MAVS: variants seen among roughly 807,000 people sequenced by gnomAD.
The protein encoded by MAVS is mitochondrial antiviral signaling protein, also known as mitochondrial antiviral-signaling protein.
In MAVS, 20 loss-of-function variants were observed where a neutral mutation model predicts 30.2. The ratio of observed to expected loss-of-function variants is 0.66; its 90% CI spans 0.47 to 0.96. The LOEUF (loss-of-function observed/expected upper bound fraction) is 0.96, where lower values mean the gene tolerates loss of function less well. Ranked by LOEUF, MAVS falls within the 40% of genes least tolerant of loss-of-function variation. The pLI is 0.00. For missense variants in MAVS, 624 were observed against 701.1 expected, an observed-to-expected ratio of 0.89 and a Z score of 1.24; for synonymous variants, 278 against 293.9, an observed-to-expected ratio of 0.95 and a Z score of 0.55.
At position 3,866,257 on chromosome 20, in the gene MAVS, G is replaced by A. The variant is rs2089908187; in HGVS notation, c.*110G>A. 4 of 1,048,624 alleles carry A rather than the reference G, an allele frequency of 3.8e-6. No individual in the cohort carries two copies. Among genetic ancestry groups the A allele is most frequent in the Non-Finnish European group, 5.4e-6 (4 of 744,476 alleles). 65.0% of individuals were successfully genotyped at this position (1,048,624 alleles called of 1,614,324 possible). A position where few individuals can be genotyped will look rare whatever the true frequency, so the allele number is the denominator to read the frequency against. ...TGGGGATTGTGGAGGCTGGGTCAGA[G>A]GGGAGTTAAGGGACTGCAGGCCTGG... On this transcript the variant is annotated 3_prime_UTR_variant, in exon 7 of 7. Coordinates refer to ENST00000428216, the MANE Select transcript of MAVS (RefSeq NM_020746.5).
chr20:3,850,396 G>A (rs1387011803), intron 1 of MAVS, among the ~76,000 whole-genome samples: 5 of 150,070 alleles, frequency 3.3e-5, no homozygotes, highest in Admixed American at 1.3e-4. Context: ...TCGGGAGTTC[G>A]AGACCGGAAC....
rs762438359 is a variant in MAVS at position 3,867,038 on chromosome 20, G to C, written c.*891G>C. 5 of 456,634 alleles carry C rather than the reference G, an allele frequency of 1.1e-5. No homozygotes were observed. The highest frequency in any genetic ancestry group is 6.0e-5 in the African/African-American group (3 of 50,078). 28.3% of individuals were successfully genotyped at this position (456,634 alleles called of 1,614,324 possible). A position where few individuals can be genotyped will look rare whatever the true frequency, so the allele number is the denominator to read the frequency against. On this transcript the variant is annotated 3_prime_UTR_variant, in exon 7 of 7. Coordinates refer to ENST00000428216, the MANE Select transcript of MAVS (RefSeq NM_020746.5). ...GGGTTCTTCTGAGATTGAACCTACA[G>C]GTGTTTGCCAAGTGCCTGGCCCAGA...
In MAVS at chr20:3,847,383, C is replaced by G. The variant is rs190971459; in HGVS notation, c.-68+480C>G. The stretch of plus-strand genomic sequence containing the variant: ...CGGACCTGGGTCGCGCCCAGGAATC[C>G]GATCCAAGGCTGTGAGGCCTGTCCC... On this transcript the variant is annotated intron_variant, in intron 1 of 6. Coordinates refer to ENST00000428216, the MANE Select transcript of MAVS (RefSeq NM_020746.5). 1.1e-4 allele frequency among the ~76,000 whole-genome samples: 17 copies of G among 152,294 alleles called. No homozygotes were observed. The East Asian group carries it at 1.7e-3, about 16-fold the overall frequency.
Position 3,875,434 on chromosome 20 carries a change from C to G in MAVS, c.*9287C>G, listed in dbSNP as rs2089983963. ...AGACTCAAAAAATAAAAATAAAAAC[C>G]CTGAATATCTTCCTTCTACTTCTTC... On this transcript the variant is annotated 3_prime_UTR_variant, in exon 7 of 7. Coordinates refer to ENST00000428216, the MANE Select transcript of MAVS (RefSeq NM_020746.5). The G allele has an allele frequency of 6.7e-6, 1 of 150,234 alleles. No individual in the cohort carries two copies. The highest frequency in any genetic ancestry group is 1.5e-5 in the Non-Finnish European group (1 of 67,824). The allele number at this position is 150,234 out of a possible 1,614,324, so 9.3% of individuals were successfully genotyped here. A position where few individuals can be genotyped will look rare whatever the true frequency, so the allele number is the denominator to read the frequency against.
chr20:3,853,227 C>T (rs1352964906), intron 1 of MAVS, among the ~76,000 whole-genome samples: 1 of 150,224 alleles, frequency 6.7e-6, no homozygotes, highest in Middle Eastern at 3.4e-3. Context: ...TGGCTCACGC[C>T]TGTAATCCCA....
chr20:3,853,485 CAAA>C (rs113226800), intron 1 of MAVS, among the ~76,000 whole-genome samples: 1 of 127,986 alleles, frequency 7.8e-6, no homozygotes. Context: ...GACTCCGTCT[CAAA>C]AAAAAAAAAA....
At chr20:3,863,524 T>A (rs188780191) in intron 5 of MAVS, among the ~76,000 whole-genome samples, 3 of 152,264 alleles carry the variant, frequency 2.0e-5, no homozygotes, top group Admixed American at 2.0e-4. Context: ...CGCTTAGGTT[T>A]CAGTACGTTT....
In MAVS at chr20:3,874,362, C is replaced by T. The variant is rs1600462591; in HGVS notation, c.*8215C>T. 1 of 397,412 alleles carries T rather than the reference C, an allele frequency of 2.5e-6. No individual in the cohort carries two copies. The highest frequency in any genetic ancestry group is 2.1e-5 in the African/African-American group (1 of 48,590). 24.6% of individuals were successfully genotyped at this position (397,412 alleles called of 1,614,324 possible). ...AGTATTGTCAGTTTGTTTCCAGACT[C>T]CCTGTTGGAGATGTGGAAATAAAAA... On this transcript the variant is annotated 3_prime_UTR_variant, in exon 7 of 7. Transcript: ENST00000428216.
Position 3,864,251 on chromosome 20 carries a change from G to A in MAVS, c.626-5G>A, listed in dbSNP as rs181282752. 1.1e-5 allele frequency: 17 copies of A among 1,595,578 alleles called. No homozygotes were observed. Among genetic ancestry groups the A allele is most frequent in the Admixed American group, 3.5e-5 (2 of 57,220 alleles). ...GTGTTTCCACTTGTGTTTTTCCACCGGCAGGTGCGACCTCCAGCCTCACAC... is the reference window on the plus strand; with the variant it reads ...GTGTTTCCACTTGTGTTTTTCCACCAGCAGGTGCGACCTCCAGCCTCACAC... On this transcript the variant is annotated splice_region_variant and splice_polypyrimidine_tract_variant and intron_variant, in intron 5 of 6. Coordinates refer to ENST00000428216, the MANE Select transcript of MAVS (RefSeq NM_020746.5).
rs543168137 is a variant in MAVS, at chr20:3,875,487, A to C, written c.*9340A>C. The C allele has an allele frequency of 1.6e-3, 247 of 151,838 alleles. 1 individual carries two copies. The highest frequency in any genetic ancestry group is 5.7e-3 in the African/African-American group (234 of 41,386). 9.4% of individuals were successfully genotyped at this position (151,838 alleles called of 1,614,324 possible). ...TGCTGTTTTTATTTAAAAAAAAAAA[A>C]AACCAGCCAAAACCACAACTTTTTA... On this transcript the variant is annotated 3_prime_UTR_variant, in exon 7 of 7. Coordinates refer to ENST00000428216, the MANE Select transcript of MAVS (RefSeq NM_020746.5).
At chr20:3,848,248 G>A (rs367766225) in intron 1 of MAVS, among the ~76,000 whole-genome samples, 5 of 152,058 alleles carry the variant, frequency 3.3e-5, no homozygotes, top group South Asian at 2.1e-4. Context: ...ACAGGTGTGT[G>A]CCACCATGCC....
chr20:3,858,659 C>T (rs2051039626), intron 3 of MAVS, among the ~76,000 whole-genome samples: 1 of 128,146 alleles, frequency 7.8e-6, no homozygotes, highest in South Asian at 2.5e-4. Context: ...AGTGGGATTC[C>T]ATCTCAAAAA....
chr20:3,867,502 G>T lies in MAVS; in HGVS notation c.*1355G>T. 1 of 169,566 alleles carries T rather than the reference G, an allele frequency of 5.9e-6. No homozygotes were observed. 10.5% of individuals were successfully genotyped at this position (169,566 alleles called of 1,614,324 possible). On this transcript the variant is annotated 3_prime_UTR_variant, in exon 7 of 7. Coordinates refer to ENST00000428216, the MANE Select transcript of MAVS (RefSeq NM_020746.5). The stretch of plus-strand genomic sequence containing the variant: ...TCTTAGCTACTTGGGAGGCTGAGGT[G>T]GGAGGATCACTTGAGCCCAGAAGCT...
At chr20:3,857,998 T>C in intron 3 of MAVS, 189 bp downstream of exon 3, 1 of 663,304 alleles carries the variant, frequency 1.5e-6, no homozygotes, top group Non-Finnish European at 2.7e-6. Flanking sequence ...CCAAGTCCCT[T>C]AATTTCCCTG....
At position 3,865,705 on chromosome 20, in the gene MAVS, C is replaced by T. The variant is rs1181267192; in HGVS notation, c.1181C>T (p.Pro394Leu). Residue 394 changes from proline (P) to leucine (L), a missense_variant, in exon 7 of 7, where the codon CCC becomes CTC. By Grantham distance (98) the Pro-to-Leu change is moderately conservative. Transcript: ENST00000428216. This position sits in a 1 kb window ranked among gnomAD's most constrained non-coding sequence, Gnocchi z 4.7. ...RNEETPAAPT[P>L]AGATGGSSAW... ...CAGGAGACCCCAGCAGCTCCAACAC[C>T]CGCCGGCGCCACTGGAGGCAGCTCA... 1 of 1,609,052 alleles carries T rather than the reference C, an allele frequency of 6.2e-7. No homozygotes were observed. Among genetic ancestry groups the T allele is most frequent in the Non-Finnish European group, 8.5e-7 (1 of 1,177,200 alleles).
rs1198543764 is a variant in MAVS, at chr20:3,872,858, A to C, written c.*6711A>C. ...GCACCTACATGTGCAGAGCACTGTG[A>C]TAGGCCTCAGTGACACAGAATAATA... On this transcript the variant is annotated 3_prime_UTR_variant, in exon 7 of 7. Transcript: ENST00000428216. 1 of 152,300 alleles carries C rather than the reference A, an allele frequency of 6.6e-6. No homozygotes were observed. Among genetic ancestry groups the C allele is most frequent in the Non-Finnish European group, 1.5e-5 (1 of 68,056 alleles). 9.4% of individuals were successfully genotyped at this position (152,300 alleles called of 1,614,324 possible).
At chr20:3,852,063 T>C (rs942152517) in intron 1 of MAVS, among the ~76,000 whole-genome samples, 15 of 145,666 alleles carry the variant, frequency 1.0e-4, no homozygotes, top group East Asian at 4.1e-4. Context: ...GGCGCAATCT[T>C]GGCTCACTGC....
Position 3,861,485 on chromosome 20 carries a change from C to G in MAVS, c.446C>G (p.Ala149Gly). Residue 149 changes from alanine (A) to glycine (G), a missense_variant, in exon 4 of 7, where the codon GCG becomes GGG. Coordinates refer to ENST00000428216, the MANE Select transcript of MAVS (RefSeq NM_020746.5). ...SYPMPVQETQAPESPGENSEQ... is the reference protein window; with the variant it reads ...SYPMPVQETQGPESPGENSEQ... Reference sequence around the variant, plus strand: ...CCCATGCCTGTCCAGGAGACCCAGGCGCCAGAGTCCCCAGGAGAGGTCTGT... The same window carrying G: ...CCCATGCCTGTCCAGGAGACCCAGGGGCCAGAGTCCCCAGGAGAGGTCTGT... 6.2e-7 allele frequency: 1 copy of G among 1,613,976 alleles called. No homozygotes were observed. Among genetic ancestry groups the G allele is most frequent in the Non-Finnish European group, 8.5e-7 (1 of 1,179,942 alleles).
chr20:3,864,584 T>A lies in MAVS; in HGVS notation c.954T>A (p.Ser318=). The A allele has an allele frequency of 6.2e-7, 1 of 1,614,184 alleles. No homozygotes were observed. The highest frequency in any genetic ancestry group is 8.5e-7 in the Non-Finnish European group (1 of 1,180,032). ...VALKVPANPA[S]VSTVPSKLPT... The stretch of plus-strand genomic sequence containing the variant: ...TGAAAGTGCCTGCCAACCCAGCATC[T>A]GTCAGCACAGTGCCCTCCAAGTTGC... Residue 318 remains serine, a synonymous_variant, in exon 6 of 7, where the codon TCT becomes TCA. Coordinates refer to ENST00000428216, the MANE Select transcript of MAVS (RefSeq NM_020746.5).
Sources: allele counts gnomAD v4.1 joint callset (sites outside exome capture counted in the v4.1 genomes callset), GRCh38; gene constraint gnomAD v4.1.1; non-coding constraint Gnocchi (gnomAD v3.1); transcripts MANE v1.5; gene names NCBI Gene and HGNC (gene_info 2026-07-23, HGNC 2026-07-21).